Variants in MIX23 observed in about 807,000 individuals in gnomAD.
MIX23 encodes mitochondrial matrix import factor 23, also known as protein MIX23.
In MIX23, 13 loss-of-function variants were observed where a neutral mutation model predicts 21.6. The ratio of observed to expected loss-of-function variants is 0.60; its 90% CI spans 0.39 to 0.96. The LOEUF (loss-of-function observed/expected upper bound fraction) is 0.96. MIX23 is among the 40% of genes least tolerant of loss of function. The pLI, the probability that MIX23 is intolerant of heterozygous loss-of-function variation, is 0.00. For missense variants in MIX23, 144 were observed against 171.2 expected (o/e 0.84, Z 0.89); for synonymous variants, 59 against 58.0 (o/e 1.02, Z -0.08).
Position 122,363,858 on chromosome 3 carries a change from T to C in MIX23, c.325-831A>G, listed in dbSNP as rs1050022922. Among the ~76,000 whole-genome samples, 4 of 148,584 alleles carry C rather than the reference T, an allele frequency of 2.7e-5. No individual in the cohort carries two copies. In the South Asian group the frequency reaches 6.2e-4, roughly 23 times the overall value. ...AGAGCAGGACTCACCATACTCCCAGTAGCATTTTGTTAGAGGACTTGAAGG... is the reference window on the plus strand; with the variant it reads ...AGAGCAGGACTCACCATACTCCCAGCAGCATTTTGTTAGAGGACTTGAAGG... On this transcript the variant is annotated intron_variant, in intron 3 of 4. Transcript: ENST00000291458.
chr3:122,375,541 TGTGGTA>T (rs2075478860), intron 1 of MIX23, among the ~76,000 whole-genome samples: 2 of 152,200 alleles, frequency 1.3e-5, no homozygotes, highest in African/African-American at 4.8e-5. Flanking sequence ...GGGTGGGATA[TGTGGTA>T]GTAGCGAACA....
chr3:122,364,644 G>A (rs563994935), intron 3 of MIX23, among the ~76,000 whole-genome samples: 1 of 152,256 alleles, frequency 6.6e-6, no homozygotes, highest in Non-Finnish European at 1.5e-5. Flanking sequence ...CCCTGACACT[G>A]AGACAGGGAA....
At position 122,371,658 on chromosome 3, in the gene MIX23, T is replaced by G. The variant is rs767971245; in HGVS notation, c.177+17A>C. 18 of 1,610,940 alleles carry G rather than the reference T, an allele frequency of 1.1e-5. No individual in the cohort carries two copies. In the South Asian group the frequency reaches 2.0e-4, roughly 18 times the overall value. On this transcript the variant is annotated intron_variant, in intron 2 of 4. Transcript: ENST00000291458. The stretch of plus-strand genomic sequence containing the variant: ...GAAAGGCATGAAAGAAGCAAAAGAC[T>G]CAAAAAATACACTTACAGACTCATA...
chr3:122,376,976 A>G (rs2075492516), intron 1 of MIX23, among the ~76,000 whole-genome samples: 1 of 152,120 alleles, frequency 6.6e-6, no homozygotes, highest in African/African-American at 2.4e-5. Context: ...CGAGGTCAGG[A>G]GTTTGAGACC....
rs371794468 is a variant in MIX23, at chr3:122,359,962, C to T, written c.385-43G>A. 8.6e-5 allele frequency: 132 copies of T among 1,541,842 alleles called. No homozygotes were observed. The African/African-American group carries it at 1.4e-3, about 16-fold the overall frequency. ...AAACAAAAGTCATTGAGTTATCCTGCGTAAATCAGGCCTGGAACTAAATTC... is the reference window on the plus strand; with the variant it reads ...AAACAAAAGTCATTGAGTTATCCTGTGTAAATCAGGCCTGGAACTAAATTC... On this transcript the variant is annotated intron_variant, in intron 4 of 4. Transcript: ENST00000291458.
intron 1 of MIX23, among the ~76,000 whole-genome samples, chr3:122,381,029 T>A (rs1307856737): frequency 6.6e-6 from 1 of 152,210 alleles, no homozygotes; most frequent in Non-Finnish European, 1.5e-5. Context: ...GTATGAATAA[T>A]GTGTTCTAGC....
chr3:122,383,120 G>C (rs751530477), intron 1 of MIX23, 54 bp downstream of exon 1: 6 of 1,604,478 alleles, frequency 3.7e-6, no homozygotes, highest in Middle Eastern at 1.7e-4. Flanking sequence ...GCAGGGAATA[G>C]GGTCTGGGGA....
intron 1 of MIX23, among the ~76,000 whole-genome samples, chr3:122,376,719 T>C (rs1365682150): frequency 1.3e-5 from 2 of 151,826 alleles, no homozygotes; most frequent in African/African-American, 2.4e-5. Context: ...AAACAGAAAA[T>C]CAAATACCAA....
chr3:122,379,380 C>T (rs1437186884), intron 1 of MIX23, among the ~76,000 whole-genome samples: 2 of 152,162 alleles, frequency 1.3e-5, no homozygotes, highest in Non-Finnish European at 2.9e-5. Flanking sequence ...AGGAAAAGAA[C>T]TGTAAACCGT....
chr3:122,362,823 G>C (rs1286482485), intron 4 of MIX23, 145 bp downstream of exon 4: 1 of 419,210 alleles, frequency 2.4e-6, no homozygotes, highest in African/African-American at 2.4e-5. Context: ...ACCCCAAAAG[G>C]TTACAATCCT....
chr3:122,373,276 GTT>G (rs11328387), intron 1 of MIX23, among the ~76,000 whole-genome samples: 12 of 145,160 alleles, frequency 8.3e-5, no homozygotes, highest in African/African-American at 2.8e-4. Context: ...TGTCTTGAAA[GTT>G]TTTTTTTTTT....
At chr3:122,382,203 A>C (rs1385286426) in intron 1 of MIX23, among the ~76,000 whole-genome samples, 2 of 152,230 alleles carry the variant, frequency 1.3e-5, no homozygotes, top group South Asian at 4.1e-4. Context: ...CAAAAATTTT[A>C]AACACTTTAG....
intron 1 of MIX23, among the ~76,000 whole-genome samples, chr3:122,372,549 C>T (rs1293406089): frequency 3.3e-5 from 5 of 152,062 alleles, no homozygotes; most frequent in African/African-American, 9.7e-5. Flanking sequence ...TGGCTGGGCA[C>T]GGTGGCTCAC....
intron 3 of MIX23, among the ~76,000 whole-genome samples, chr3:122,365,832 T>C (rs148546462): frequency 2.2e-4 from 33 of 152,284 alleles, no homozygotes; most frequent in African/African-American, 2.9e-4. Flanking sequence ...TTCAAGGGCG[T>C]TGAAATACAA....
intron 3 of MIX23, 84 bp downstream of exon 3, chr3:122,368,092 C>A: frequency 7.4e-7 from 1 of 1,358,552 alleles, no homozygotes; most frequent in South Asian, 1.2e-5. Flanking sequence ...TATTATATGC[C>A]AAAATTTTCA....
At chr3:122,360,774 T>C (rs1559988018) in intron 4 of MIX23, among the ~76,000 whole-genome samples, 1 of 152,102 alleles carries the variant, frequency 6.6e-6, no homozygotes, top group Non-Finnish European at 1.5e-5. Context: ...TTGGCTGCCA[T>C]TGACTATTAT....
chr3:122,360,698 C>T (rs970653621), intron 4 of MIX23, among the ~76,000 whole-genome samples: 16 of 151,904 alleles, frequency 1.1e-4, no homozygotes, highest in South Asian at 8.3e-4. Context: ...TCAGAATTTA[C>T]CCCCATACAT....
At chr3:122,373,218 C>A (rs769508986) in intron 1 of MIX23, among the ~76,000 whole-genome samples, 2 of 151,708 alleles carry the variant, frequency 1.3e-5, no homozygotes, top group Non-Finnish European at 2.9e-5. Flanking sequence ...ATTTTAAAAT[C>A]TGGCTTCAAG....
intron 3 of MIX23, among the ~76,000 whole-genome samples, chr3:122,364,646 G>A (rs1196597701): frequency 1.3e-5 from 2 of 152,146 alleles, no homozygotes; most frequent in South Asian, 4.1e-4. Flanking sequence ...CTGACACTGA[G>A]ACAGGGAATC....
Sources: allele counts gnomAD v4.1 joint callset (sites outside exome capture counted in the v4.1 genomes callset), GRCh38; gene constraint gnomAD v4.1.1; transcripts MANE v1.5; gene names NCBI Gene and HGNC (gene_info 2026-07-23, HGNC 2026-07-21).